The following NKAIN2 variants were observed in gnomAD, a reference collection of about 807,000 sequenced individuals.
NKAIN2 encodes the protein sodium/potassium-transporting ATPase subunit beta-1-interacting protein 2.
A neutral mutation model predicts 32.6 loss-of-function variants in NKAIN2; 14 were observed. That is an observed-to-expected ratio of 0.43 (90% CI 0.28 to 0.67). The LOEUF (loss-of-function observed/expected upper bound fraction) is 0.67, where lower values mean the gene tolerates loss of function less well. Ranked by LOEUF, NKAIN2 falls within the 30% of genes least tolerant of loss-of-function variation. The probability of loss-of-function intolerance (pLI) is 0.17; values close to 1 mark genes in which losing one functional copy is unlikely to be tolerated. For synonymous variants in NKAIN2, 80 were observed against 87.2 expected (o/e 0.92, Z 0.46); for missense variants, 198 against 258.3 (o/e 0.77, Z 1.60).
intron 1 of NKAIN2, among the ~76,000 whole-genome samples, chr6:123,919,927 A>C (rs930604602): frequency 2.0e-5 from 3 of 152,146 alleles, no homozygotes; most frequent in African/African-American, 7.2e-5. Flanking sequence ...AGGCAGGATA[A>C]TGTTAACTTT....
intron 3 of NKAIN2, among the ~76,000 whole-genome samples, chr6:124,407,692 A>G (rs536713222): frequency 4.6e-5 from 7 of 151,874 alleles, no homozygotes; most frequent in Non-Finnish European, 5.9e-5. Context: ...ATGATTTATA[A>G]TCCTTTGGGT....
At chr6:124,386,679 T>C (rs1164448598) in intron 3 of NKAIN2, among the ~76,000 whole-genome samples, 1 of 152,184 alleles carries the variant, frequency 6.6e-6, no homozygotes, top group East Asian at 1.9e-4. Flanking sequence ...GTCTGTGGTG[T>C]TGGCTTTTGT....
intron 4 of NKAIN2, among the ~76,000 whole-genome samples, chr6:124,755,130 C>T (rs1335358973): frequency 4.6e-5 from 7 of 152,128 alleles, no homozygotes; most frequent in Non-Finnish European, 8.8e-5. Context: ...GCCAACAGTG[C>T]GGCCTTCGGA....
At chr6:124,766,089 G>T (rs984080865) in intron 4 of NKAIN2, among the ~76,000 whole-genome samples, 2 of 152,122 alleles carry the variant, frequency 1.3e-5, no homozygotes, top group African/African-American at 4.8e-5. Flanking sequence ...ACACAACTAA[G>T]GTAATGGATC....
At chr6:123,934,181 T>A (rs1582804201) in intron 1 of NKAIN2, among the ~76,000 whole-genome samples, 2 of 152,290 alleles carry the variant, frequency 1.3e-5, no homozygotes, top group East Asian at 3.9e-4. Flanking sequence ...TAGAAGATCT[T>A]TATAATCAAT....
chr6:124,039,023 G>A (rs115944131), intron 1 of NKAIN2, among the ~76,000 whole-genome samples: 2,697 of 152,114 alleles, frequency 0.018, 75 homozygotes, highest in African/African-American at 0.061. Context: ...ATTCTCATAT[G>A]TATGATGTTT....
chr6:124,167,766 A>AT (rs1370151334), intron 1 of NKAIN2, among the ~76,000 whole-genome samples: 1 of 152,170 alleles, frequency 6.6e-6, no homozygotes, highest in Non-Finnish European at 1.5e-5. Flanking sequence ...TTCTGCATCT[A>AT]TTGAGATAAT....
chr6:124,806,044 AAC>A (rs201757986), intron 5 of NKAIN2, among the ~76,000 whole-genome samples: 7,659 of 152,270 alleles, frequency 0.05, 221 homozygotes, highest in South Asian at 0.1. Context: ...GGGAGAACGG[AAC>A]CAAGTTGGAA....
intron 1 of NKAIN2, among the ~76,000 whole-genome samples, chr6:123,941,246 G>GGACT (rs1040052462): frequency 6.6e-6 from 1 of 151,484 alleles, no homozygotes; most frequent in Admixed American, 6.6e-5. Context: ...TCTTCCTGAA[G>GGACT]GACTGCTTGA....
chr6:124,198,831 T>G (rs1582833786), intron 1 of NKAIN2, among the ~76,000 whole-genome samples: 1 of 152,252 alleles, frequency 6.6e-6, no homozygotes, highest in South Asian at 2.1e-4. Context: ...GGACTCACGC[T>G]TCTTTGTAAT....
chr6:124,226,951 A>T (rs1792145574), intron 1 of NKAIN2, among the ~76,000 whole-genome samples: 1 of 152,126 alleles, frequency 6.6e-6, no homozygotes, highest in African/African-American at 2.4e-5. Context: ...CCTGTAAGAA[A>T]TAGAAATAGA....
intron 3 of NKAIN2, among the ~76,000 whole-genome samples, chr6:124,427,797 T>C (rs1775045807): frequency 1.3e-5 from 2 of 152,332 alleles, no homozygotes; most frequent in South Asian, 2.1e-4. Context: ...CCTGATGTGA[T>C]GGAAGTCTAT....
intron 3 of NKAIN2, among the ~76,000 whole-genome samples, chr6:124,492,646 A>G (rs1056229801): frequency 2.0e-5 from 3 of 152,000 alleles, no homozygotes; most frequent in African/African-American, 7.2e-5. Flanking sequence ...GGTATCTTAG[A>G]TTTTAAATGA....
At chr6:124,664,326 T>G (rs1772658469) in intron 4 of NKAIN2, among the ~76,000 whole-genome samples, 1 of 151,922 alleles carries the variant, frequency 6.6e-6, no homozygotes, top group African/African-American at 2.4e-5. Flanking sequence ...AATTTTATTT[T>G]ATACCTAGTA....
chr6:124,061,913 G>A (rs912383131), intron 1 of NKAIN2, among the ~76,000 whole-genome samples: 1 of 152,068 alleles, frequency 6.6e-6, no homozygotes, highest in Non-Finnish European at 1.5e-5. Context: ...CTTAAGATGA[G>A]CAAAGTAGAG....
chr6:123,827,988 CTT>C (rs1488630620), intron 1 of NKAIN2, among the ~76,000 whole-genome samples: 1 of 151,864 alleles, frequency 6.6e-6, no homozygotes, highest in Non-Finnish European at 1.5e-5. Context: ...ATGTGTATTA[CTT>C]TGTGTTTGTC....
intron 5 of NKAIN2, among the ~76,000 whole-genome samples, chr6:124,803,504 A>G (rs1324331964): frequency 6.6e-6 from 1 of 152,068 alleles, no homozygotes; most frequent in East Asian, 1.9e-4. Flanking sequence ...CTGATAATAT[A>G]CAAGGCCATT....
At chr6:124,236,952 G>A (rs1045398307) in intron 1 of NKAIN2, among the ~76,000 whole-genome samples, 2 of 152,140 alleles carry the variant, frequency 1.3e-5, no homozygotes, top group Non-Finnish European at 2.9e-5. Flanking sequence ...GTAAAAAAAG[G>A]AACATATAAA....
chr6:124,524,166 A>T (rs1779224715), intron 3 of NKAIN2, among the ~76,000 whole-genome samples: 1 of 152,198 alleles, frequency 6.6e-6, no homozygotes, highest in Non-Finnish European at 1.5e-5. Flanking sequence ...TTAGTTACTC[A>T]GTGACTAGGC....
Sources: allele counts gnomAD v4.1 joint callset (sites outside exome capture counted in the v4.1 genomes callset), GRCh38; gene constraint gnomAD v4.1.1; transcripts MANE v1.5; gene names NCBI Gene and HGNC (gene_info 2026-07-23, HGNC 2026-07-21).